The following PCDHA10 variants were observed in gnomAD, a reference collection of about 807,000 sequenced individuals.
PCDHA10 encodes the protein protocadherin alpha 10, also known as protocadherin alpha-10.
Under a neutral mutation model 61.2 loss-of-function variants are expected in PCDHA10, and 45 were observed. That is an observed-to-expected ratio of 0.74 (90% CI 0.58 to 0.94). PCDHA10 has a LOEUF of 0.94. Among genes scored for constraint, PCDHA10 ranks in the 40% least tolerant of loss-of-function variants. The probability of loss-of-function intolerance (pLI) is 0.00; values close to 1 mark genes in which losing one functional copy is unlikely to be tolerated. For synonymous variants in PCDHA10, 602 were observed against 548.8 expected, an observed-to-expected ratio of 1.10 and a Z score of -1.35; for missense variants, 1,278 against 1,236.2, an observed-to-expected ratio of 1.03 and a Z score of -0.51.
At chr5:140,927,725 C>CA in intron 1 of PCDHA10, 1 of 1,614,202 alleles carries the variant, frequency 6.2e-7, no homozygotes, top group Non-Finnish European at 8.5e-7. Context: ...AGCACGCAAG[C>CA]AGAGCTGCGA....
intron 1 of PCDHA10, among the ~76,000 whole-genome samples, chr5:140,942,908 G>A (rs187574457): frequency 2.6e-5 from 4 of 151,726 alleles, no homozygotes; most frequent in African/African-American, 9.7e-5. Flanking sequence ...AAGAATAAGC[G>A]TGAAGAAAAA....
rs190183922 is a variant in PCDHA10, at chr5:140,912,839, T to C, written c.2388+54403T>C. ...AGGGATTTTGAATTTTATTAAATGC[T>C]TTTTCAGCATCAATTGAAATGATAT... On this transcript the variant is annotated intron_variant, in intron 1 of 3. Coordinates refer to ENST00000307360, the MANE Select transcript of PCDHA10 (RefSeq NM_018901.4). Among the ~76,000 whole-genome samples the C allele has an allele frequency of 6.6e-5, 10 of 152,356 alleles. No individual in the cohort carries two copies. In the East Asian group the frequency reaches 1.9e-3, roughly 29 times the overall value.
intron 1 of PCDHA10, among the ~76,000 whole-genome samples, chr5:140,922,082 G>A (rs2080612980): frequency 6.6e-6 from 1 of 151,908 alleles, no homozygotes. Context: ...AGCAAAAAGT[G>A]GTATTTCTAC....
chr5:141,004,627 T>C lies in PCDHA10; in HGVS notation c.2537-5000T>C, dbSNP rs538896289. On this transcript the variant is annotated intron_variant, in intron 3 of 3. Transcript: ENST00000307360. ...GCCTCATGCAGAGTCCTGGTTATGG[T>C]TGAAGAAAAATTTCCATTTTGGGCT... 3.9e-5 allele frequency among the ~76,000 whole-genome samples: 6 copies of C among 152,330 alleles called. No individual in the cohort carries two copies. The East Asian group carries it at 1.2e-3, about 29-fold the overall frequency.
At chr5:140,992,188 T>C (rs1193005639) in intron 3 of PCDHA10, among the ~76,000 whole-genome samples, 6 of 152,140 alleles carry the variant, frequency 3.9e-5, no homozygotes, top group African/African-American at 1.4e-4. Flanking sequence ...ATGCTTTCAG[T>C]GATCTATCCA....
intron 1 of PCDHA10, among the ~76,000 whole-genome samples, chr5:140,904,190 C>T (rs1292555686): frequency 6.6e-6 from 1 of 151,916 alleles, no homozygotes; most frequent in Non-Finnish European, 1.5e-5. Flanking sequence ...CCCTTCCCAC[C>T]CTTTCCCCCT....
chr5:140,984,682 A>G (rs2097114582), intron 3 of PCDHA10, among the ~76,000 whole-genome samples: 2 of 152,136 alleles, frequency 1.3e-5, no homozygotes, highest in Non-Finnish European at 2.9e-5. Context: ...AGGACTCAAT[A>G]TATGTTCTGC....
At chr5:140,973,068 G>T (rs1563422416) in intron 1 of PCDHA10, among the ~76,000 whole-genome samples, 1 of 152,140 alleles carries the variant, frequency 6.6e-6, no homozygotes, top group Non-Finnish European at 1.5e-5. Context: ...CAGTGTCTCA[G>T]TGGGCCCAGC....
chr5:140,981,864 T>C (rs1554243477), intron 2 of PCDHA10, among the ~76,000 whole-genome samples: 3 of 152,294 alleles, frequency 2.0e-5, no homozygotes, highest in African/African-American at 7.2e-5. Context: ...CCCAGCAATG[T>C]TTTATGCTGA....
At position 140,882,956 on chromosome 5, in the gene PCDHA10, A is replaced by G; in HGVS notation, c.2388+24520A>G. The stretch of plus-strand genomic sequence containing the variant: ...GCTGACTGGCACAGTTCAGCTGCTC[A>G]TCACGATTCTGGACGTGAATGACAA... On this transcript the variant is annotated intron_variant, in intron 1 of 3. Coordinates refer to ENST00000307360, the MANE Select transcript of PCDHA10 (RefSeq NM_018901.4). The G allele has an allele frequency of 6.2e-7, 1 of 1,614,228 alleles. No individual in the cohort carries two copies. The highest frequency in any genetic ancestry group is 8.5e-7 in the Non-Finnish European group (1 of 1,180,044).
At chr5:140,872,606 AT>A (rs1302987061) in intron 1 of PCDHA10, among the ~76,000 whole-genome samples, 2 of 151,888 alleles carry the variant, frequency 1.3e-5, no homozygotes, top group African/African-American at 2.4e-5. Flanking sequence ...TGAAAAAATA[AT>A]TTTTTTTGCC....
chr5:140,884,057 G>A (rs141156800), intron 1 of PCDHA10: 6 of 1,613,540 alleles, frequency 3.7e-6, no homozygotes, highest in Non-Finnish European at 5.1e-6. Context: ...GGTGCGCGCG[G>A]TGGACGCCGA....
chr5:141,003,240 C>T (rs1563674729), intron 3 of PCDHA10, among the ~76,000 whole-genome samples: 2 of 152,150 alleles, frequency 1.3e-5, no homozygotes, highest in South Asian at 4.1e-4. Context: ...GAAATTTTGC[C>T]AAAAAGATTC....
At chr5:140,991,214 A>G (rs922136535) in intron 3 of PCDHA10, among the ~76,000 whole-genome samples, 4 of 152,202 alleles carry the variant, frequency 2.6e-5, no homozygotes, top group Non-Finnish European at 4.4e-5. Context: ...AATTTTGTTA[A>G]ATTCATTAAT....
Position 141,010,957 on chromosome 5 carries a change from C to CT in PCDHA10, c.*1021dup, listed in dbSNP as rs1342734442. The CT allele has an allele frequency of 6.5e-5, 10 of 153,858 alleles. No homozygotes were observed. Among genetic ancestry groups the CT allele is most frequent in the African/African-American group, 2.4e-4 (10 of 41,554 alleles). The allele number at this position is 153,858 out of a possible 1,614,324, so 9.5% of individuals were successfully genotyped here. A position where few individuals can be genotyped will look rare whatever the true frequency, so the allele number is the denominator to read the frequency against. On this transcript the variant is annotated 3_prime_UTR_variant, in exon 4 of 4. Coordinates refer to ENST00000307360, the MANE Select transcript of PCDHA10 (RefSeq NM_018901.4). ...ACAGCCATTTAAATGATCATTGCTG[C>CT]TACAGAAGTGCTTTAAGAGAATTGC...
chr5:140,983,924 A>G (rs1554245819), intron 3 of PCDHA10, among the ~76,000 whole-genome samples: 1 of 152,216 alleles, frequency 6.6e-6, no homozygotes, highest in African/African-American at 2.4e-5. Flanking sequence ...AGGATTTGCT[A>G]TTTATGGATG....
chr5:140,918,473 T>G (rs1385942505), intron 1 of PCDHA10, among the ~76,000 whole-genome samples: 1 of 152,284 alleles, frequency 6.6e-6, no homozygotes, highest in East Asian at 1.9e-4. Context: ...ATTCCAAGTC[T>G]CAAGGGGAAT....
chr5:140,884,610 G>A (rs1554181783), intron 1 of PCDHA10: 1 of 1,614,138 alleles, frequency 6.2e-7, no homozygotes, highest in South Asian at 1.1e-5. Context: ...CCTTGTCTGG[G>A]TTCTGCAGAG....
chr5:140,923,951 G>A (rs763582377), intron 1 of PCDHA10, among the ~76,000 whole-genome samples: 4 of 151,984 alleles, frequency 2.6e-5, no homozygotes, highest in Non-Finnish European at 2.9e-5. Context: ...TTTTCCTCAC[G>A]CCCTAATCTA....
Sources: allele counts gnomAD v4.1 joint callset (sites outside exome capture counted in the v4.1 genomes callset), GRCh38; gene constraint gnomAD v4.1.1; transcripts MANE v1.5; gene names NCBI Gene and HGNC (gene_info 2026-07-23, HGNC 2026-07-21).